ELMO1: variants seen among roughly 807,000 people sequenced by gnomAD.
ELMO1 encodes the protein engulfment and cell motility protein 1.
A neutral mutation model predicts 98.9 loss-of-function variants in ELMO1; 26 were observed. That is an observed-to-expected ratio of 0.26 (90% CI 0.19 to 0.36). ELMO1 has a LOEUF of 0.36. Ranked by LOEUF, ELMO1 falls within the 10% of genes least tolerant of loss-of-function variation. The probability of loss-of-function intolerance (pLI) is 1.00; values close to 1 mark genes in which losing one functional copy is unlikely to be tolerated. For missense variants in ELMO1, 627 were observed against 935.2 expected (o/e 0.67, Z 4.30); for synonymous variants, 346 against 346.0 (o/e 1.00, Z 0.00).
At chr7:36,953,839 TTGTGTGTGTGTGTGTGTGTGTG>T (rs10522376) in intron 16 of ELMO1, among the ~76,000 whole-genome samples, 45,045 of 136,312 alleles carry the variant, frequency 0.33, 7,470 homozygotes, top group East Asian at 0.56. Flanking sequence ...TGGGTATGTT[TTGTGTGTGTGTGTGTGTGTGTG>T]TGTGTGTGTG....
At chr7:37,309,887 T>C (rs1798808204) in intron 4 of ELMO1, among the ~76,000 whole-genome samples, 1 of 152,212 alleles carries the variant, frequency 6.6e-6, no homozygotes, top group African/African-American at 2.4e-5. Context: ...TTCTGGAGAC[T>C]GGGATTACCC....
chr7:36,931,083 G>A lies in ELMO1; in HGVS notation c.1438-36066C>T, dbSNP rs181717185. The stretch of plus-strand genomic sequence containing the variant: ...CAGAATTTAATAAGATGAAAGCTTT[G>A]GTCACTATCATGCTTATTGGGCACC... On this transcript the variant is annotated intron_variant, in intron 16 of 21. Coordinates refer to ENST00000310758, the MANE Select transcript of ELMO1 (RefSeq NM_014800.11). 3.0e-4 allele frequency among the ~76,000 whole-genome samples: 45 copies of A among 152,272 alleles called. 2 individuals carry two copies. The highest frequency in any genetic ancestry group is 1.0e-3 in the African/African-American group (42 of 41,540).
intron 1 of ELMO1, among the ~76,000 whole-genome samples, chr7:37,362,129 CTG>C (rs948670615): frequency 1.3e-5 from 2 of 152,052 alleles, no homozygotes; most frequent in African/African-American, 4.8e-5. Context: ...TGTTTCTTGA[CTG>C]TGTTGTGATG....
At chr7:37,320,019 G>C (rs186770236) in intron 2 of ELMO1, among the ~76,000 whole-genome samples, 1 of 152,160 alleles carries the variant, frequency 6.6e-6, no homozygotes, top group African/African-American at 2.4e-5. Context: ...ACTTTGGGAG[G>C]CGGAGGTGGG....
intron 6 of ELMO1, among the ~76,000 whole-genome samples, chr7:37,255,075 A>G (rs6954574): frequency 0.39 from 58,640 of 151,978 alleles, 12,291 homozygotes; most frequent in African/African-American, 0.55. Context: ...AGCAAAAATG[A>G]TTGTGTCCCT....
chr7:37,447,334 T>C (rs188967087), intron 1 of ELMO1, among the ~76,000 whole-genome samples: 1 of 152,218 alleles, frequency 6.6e-6, no homozygotes, highest in Admixed American at 6.5e-5. Flanking sequence ...CCGTCTTAGA[T>C]TATCTGAAAT....
At chr7:37,445,440 T>C (rs1272164660) in intron 1 of ELMO1, among the ~76,000 whole-genome samples, 2 of 152,188 alleles carry the variant, frequency 1.3e-5, no homozygotes, top group African/African-American at 4.8e-5. Flanking sequence ...GTTACCTCCA[T>C]AGGAATGATC....
At chr7:37,044,572 C>T (rs1321628255) in intron 15 of ELMO1, among the ~76,000 whole-genome samples, 1 of 152,156 alleles carries the variant, frequency 6.6e-6, no homozygotes, top group East Asian at 1.9e-4. Flanking sequence ...TCTCTCAGCT[C>T]TCCCTATGAT....
At chr7:37,435,715 G>T (rs1420972475) in intron 1 of ELMO1, among the ~76,000 whole-genome samples, 1 of 152,180 alleles carries the variant, frequency 6.6e-6, no homozygotes, top group Non-Finnish European at 1.5e-5. Context: ...CATTTGAAAA[G>T]ATTCAACATG....
At chr7:37,389,678 C>G (rs2723987) in intron 1 of ELMO1, among the ~76,000 whole-genome samples, 135,007 of 152,150 alleles carry the variant, frequency 0.89, 59,958 homozygotes, top group East Asian at 0.95. Flanking sequence ...AGACACAGGA[C>G]TCTCCAGACC....
intron 16 of ELMO1, among the ~76,000 whole-genome samples, chr7:36,927,044 A>G (rs1785632777): frequency 1.3e-5 from 2 of 152,256 alleles, no homozygotes; most frequent in Non-Finnish European, 2.9e-5. Context: ...AAATATAACA[A>G]GACTAACACT....
chr7:37,115,078 T>C (rs1013583158), intron 14 of ELMO1, among the ~76,000 whole-genome samples: 3 of 152,216 alleles, frequency 2.0e-5, no homozygotes, highest in Non-Finnish European at 2.9e-5. Context: ...AAGAGACCTA[T>C]ATCTATTAAA....
At chr7:37,226,252 A>G (rs1226587401) in intron 8 of ELMO1, among the ~76,000 whole-genome samples, 2 of 152,150 alleles carry the variant, frequency 1.3e-5, no homozygotes, top group Non-Finnish European at 2.9e-5. Context: ...TAAAATACAA[A>G]CTTCAGGAAG....
chr7:37,102,830 A>T (rs1477641508), intron 14 of ELMO1, among the ~76,000 whole-genome samples: 4 of 152,258 alleles, frequency 2.6e-5, no homozygotes, highest in Non-Finnish European at 5.9e-5. Flanking sequence ...ATTCTTGGTT[A>T]CCAATTCCTA....
chr7:37,169,804 T>A (rs1288774281), intron 13 of ELMO1, among the ~76,000 whole-genome samples: 1 of 152,222 alleles, frequency 6.6e-6, no homozygotes, highest in Non-Finnish European at 1.5e-5. Context: ...GACTTGGCAT[T>A]TTGGCTTACG....
chr7:37,079,872 C>T (rs1192083755), intron 15 of ELMO1, among the ~76,000 whole-genome samples: 1 of 152,194 alleles, frequency 6.6e-6, no homozygotes, highest in East Asian at 1.9e-4. Context: ...AGTCTCATAG[C>T]TTTAACTATT....
chr7:37,192,899 T>C (rs1369135516), intron 13 of ELMO1, among the ~76,000 whole-genome samples: 1 of 145,612 alleles, frequency 6.9e-6, no homozygotes, highest in Admixed American at 6.9e-5. Context: ...TATTTATCTA[T>C]AGATACATAT....
chr7:37,222,862 C>T (rs1309547705), intron 9 of ELMO1, among the ~76,000 whole-genome samples, 169 bp from the exon 10 acceptor site: 1 of 152,176 alleles, frequency 6.6e-6, no homozygotes, highest in Non-Finnish European at 1.5e-5. Flanking sequence ...TTTCAAACAT[C>T]ACAAGGTGGT....
intron 15 of ELMO1, among the ~76,000 whole-genome samples, chr7:37,042,122 A>G (rs1795546930): frequency 9.3e-6 from 1 of 107,254 alleles, no homozygotes; most frequent in South Asian, 3.0e-4. Flanking sequence ...CGTCTCTACG[A>G]AAAAAAAAAA....
Sources: gnomAD v4.1 joint callset for allele counts (sites outside exome capture counted in the v4.1 genomes callset) on GRCh38, gnomAD v4.1.1 for gene constraint, MANE v1.5 for transcripts, NCBI Gene and HGNC (gene_info 2026-07-23, HGNC 2026-07-21) for gene names.